ZFPM2: variants seen among roughly 807,000 people sequenced by gnomAD.
ZFPM2 encodes zinc finger protein, FOG family member 2, also known as zinc finger protein ZFPM2.
In ZFPM2, 20 loss-of-function variants were observed where a neutral mutation model predicts 98.6. The observed-to-expected ratio is 0.20, with a 90% CI of 0.14 to 0.29. ZFPM2 has a LOEUF of 0.29. ZFPM2 is among the 10% of genes least tolerant of loss of function. The pLI is 1.00. For synonymous variants in ZFPM2, 518 were observed against 502.7 expected, an observed-to-expected ratio of 1.03 and a Z score of -0.41; for missense variants, 1,310 against 1,388.6, an observed-to-expected ratio of 0.94 and a Z score of 0.90.
At chr8:105,583,792 A>G (rs191201912) in intron 4 of ZFPM2, among the ~76,000 whole-genome samples, 30 of 152,284 alleles carry the variant, frequency 2.0e-4, no homozygotes, top group African/African-American at 6.7e-4. Flanking sequence ...AAGGAATGAG[A>G]GAAGTATTCC....
intron 1 of ZFPM2, among the ~76,000 whole-genome samples, chr8:105,340,353 A>G (rs1245977738): frequency 6.6e-6 from 1 of 151,934 alleles, no homozygotes. Context: ...CGTACCCATA[A>G]CAACAAAAAT....
rs533315370 is a variant in ZFPM2 at position 105,782,490 on chromosome 8, A to G, written c.533-6228A>G. The G allele has an allele frequency of 5.3e-5, 8 of 152,314 alleles. No individual in the cohort carries two copies. The East Asian group carries it at 1.5e-3, about 29-fold the overall frequency. 9.4% of individuals were successfully genotyped at this position (152,314 alleles called of 1,614,324 possible). On this transcript the variant is annotated intron_variant, in intron 5 of 7. Transcript: ENST00000407775. ...CACTATTAGTGTGTAATTCCTTAAAATAAGAACATTTACCCTTGAATGGCA... is the reference window on the plus strand; with the variant it reads ...CACTATTAGTGTGTAATTCCTTAAAGTAAGAACATTTACCCTTGAATGGCA...
At chr8:105,722,359 A>G (rs1017563231) in intron 5 of ZFPM2, among the ~76,000 whole-genome samples, 4 of 151,644 alleles carry the variant, frequency 2.6e-5, no homozygotes, top group Admixed American at 6.6e-5. Flanking sequence ...GATTATTCCA[A>G]TTTCTTCCTT....
chr8:105,658,585 T>A (rs1586179093), intron 5 of ZFPM2, among the ~76,000 whole-genome samples: 1 of 4,530 alleles, frequency 2.2e-4, no homozygotes, highest in Admixed American at 3.2e-3. Context: ...AGACTCCGTC[T>A]CAAAAAAAAA....
At chr8:105,641,209 A>G (rs1447284798) in intron 5 of ZFPM2, among the ~76,000 whole-genome samples, 1 of 152,064 alleles carries the variant, frequency 6.6e-6, no homozygotes, top group Non-Finnish European at 1.5e-5. Flanking sequence ...GCCAGCTCAG[A>G]GCTGCAGTGT....
chr8:105,452,956 C>G (rs553817797), intron 3 of ZFPM2, among the ~76,000 whole-genome samples: 2 of 152,010 alleles, frequency 1.3e-5, no homozygotes, highest in Non-Finnish European at 2.9e-5. Flanking sequence ...TTTATTTTGT[C>G]TGGTTTTAAA....
intron 1 of ZFPM2, among the ~76,000 whole-genome samples, chr8:105,401,402 G>T: frequency 6.6e-6 from 1 of 151,976 alleles, no homozygotes; most frequent in Non-Finnish European, 1.5e-5. Flanking sequence ...ACTGCCTTTT[G>T]CTCTTTAAAT....
intron 5 of ZFPM2, among the ~76,000 whole-genome samples, chr8:105,783,688 C>A (rs1813329313): frequency 6.6e-6 from 1 of 152,156 alleles, no homozygotes; most frequent in African/African-American, 2.4e-5. Flanking sequence ...TGTCCTCAAG[C>A]TTCATCCATG....
intron 5 of ZFPM2, among the ~76,000 whole-genome samples, chr8:105,715,824 G>T (rs1264660201): frequency 6.6e-6 from 1 of 151,986 alleles, no homozygotes; most frequent in Admixed American, 6.6e-5. Context: ...TAGATTCTTG[G>T]ACTTTGCCCC....
At chr8:105,426,014 TC>T (rs1811900983) in intron 2 of ZFPM2, among the ~76,000 whole-genome samples, 1 of 152,190 alleles carries the variant, frequency 6.6e-6, no homozygotes, top group Non-Finnish European at 1.5e-5. Context: ...ATAAATCCTT[TC>T]AATGAACATG....
At chr8:105,416,826 G>A (rs548403628) in intron 1 of ZFPM2, among the ~76,000 whole-genome samples, 73 of 152,150 alleles carry the variant, frequency 4.8e-4, no homozygotes, top group Middle Eastern at 6.8e-3. Flanking sequence ...GCGAAGAGCA[G>A]CAAGAGAGTT....
intron 3 of ZFPM2, among the ~76,000 whole-genome samples, chr8:105,466,853 AC>A (rs1056495594): frequency 6.6e-6 from 1 of 152,034 alleles, no homozygotes; most frequent in African/African-American, 2.4e-5. Flanking sequence ...TCAGGACCAA[AC>A]AAAAATTCTG....
intron 5 of ZFPM2, among the ~76,000 whole-genome samples, chr8:105,735,368 A>AT (rs1214394180): frequency 6.6e-6 from 1 of 151,600 alleles, no homozygotes; most frequent in Non-Finnish European, 1.5e-5. Context: ...TATACAATTG[A>AT]TTTTTTAAGG....
At chr8:105,638,424 A>C (rs1816889886) in intron 5 of ZFPM2, among the ~76,000 whole-genome samples, 1 of 152,024 alleles carries the variant, frequency 6.6e-6, no homozygotes, top group African/African-American at 2.4e-5. Flanking sequence ...TTATTTCCTA[A>C]AGTCTAAAAA....
At chr8:105,799,750 G>A (rs1225950936) in intron 7 of ZFPM2, among the ~76,000 whole-genome samples, 1 of 152,156 alleles carries the variant, frequency 6.6e-6, no homozygotes, top group Non-Finnish European at 1.5e-5. Flanking sequence ...ACTAGGGACT[G>A]AGAATCATAG....
chr8:105,770,508 G>A (rs564365086), intron 5 of ZFPM2, among the ~76,000 whole-genome samples: 7 of 151,888 alleles, frequency 4.6e-5, no homozygotes, highest in African/African-American at 7.3e-5. Flanking sequence ...CAAGGATTCC[G>A]CCCCCAACCC....
intron 4 of ZFPM2, among the ~76,000 whole-genome samples, chr8:105,632,709 A>G (rs1243025589): frequency 2.0e-5 from 3 of 152,250 alleles, no homozygotes; most frequent in Non-Finnish European, 4.4e-5. Context: ...TACGTAGAAT[A>G]TAAAATTACA....
chr8:105,660,718 G>A (rs934440529), intron 5 of ZFPM2, among the ~76,000 whole-genome samples: 1 of 152,074 alleles, frequency 6.6e-6, no homozygotes, highest in African/African-American at 2.4e-5. Context: ...ATGCCCCCTA[G>A]CTCCACATTA....
chr8:105,494,226 T>TAA (rs1563684620), intron 3 of ZFPM2, among the ~76,000 whole-genome samples: 6 of 123,780 alleles, frequency 4.8e-5, no homozygotes, highest in South Asian at 2.6e-4. Context: ...TATATATATA[T>TAA]AATCTCAAAC....
Sources: allele counts gnomAD v4.1 joint callset (sites outside exome capture counted in the v4.1 genomes callset), GRCh38; gene constraint gnomAD v4.1.1; transcripts MANE v1.5; gene names NCBI Gene and HGNC (gene_info 2026-07-23, HGNC 2026-07-21).